VGLL4: variants seen among roughly 807,000 people sequenced by gnomAD.
The protein encoded by VGLL4 is vestigial like family member 4.
In VGLL4, 7 loss-of-function variants were observed where a neutral mutation model predicts 21.0. The observed-to-expected ratio is 0.33, with a 90% CI of 0.19 to 0.63. VGLL4 has a LOEUF of 0.63. Among genes scored for constraint, VGLL4 ranks in the 20% least tolerant of loss-of-function variants. VGLL4 has a pLI of 0.78. For missense variants in VGLL4, 394 were observed against 425.7 expected (o/e 0.93, Z 0.66); for synonymous variants, 222 against 173.2 (o/e 1.28, Z -2.21).
At chr3:11,597,077 A>G (rs2074663545) in intron 2 of VGLL4, among the ~76,000 whole-genome samples, 1 of 152,172 alleles carries the variant, frequency 6.6e-6, no homozygotes, top group East Asian at 1.9e-4. Flanking sequence ...AGGACATAGG[A>G]CCAGTGGACA....
At chr3:11,695,185 G>A (rs1290524288) in intron 2 of VGLL4, among the ~76,000 whole-genome samples, 1 of 151,890 alleles carries the variant, frequency 6.6e-6, no homozygotes, top group African/African-American at 2.4e-5. Context: ...GAGTAGCTGG[G>A]ATTACAGGCG....
At chr3:11,606,543 A>G (rs2074945044) in intron 1 of VGLL4, among the ~76,000 whole-genome samples, 1 of 152,190 alleles carries the variant, frequency 6.6e-6, no homozygotes. Flanking sequence ...GACTTAGAGA[A>G]CTTTTCTGTC....
intron 2 of VGLL4, among the ~76,000 whole-genome samples, chr3:11,590,475 T>A (rs1040933467): frequency 6.6e-6 from 1 of 152,174 alleles, no homozygotes; most frequent in African/African-American, 2.4e-5. Context: ...GAGAGGGCAG[T>A]AGCAACAGTT....
At chr3:11,668,928 G>A (rs566921111) in intron 2 of VGLL4, among the ~76,000 whole-genome samples, 2 of 152,034 alleles carry the variant, frequency 1.3e-5, no homozygotes, top group Admixed American at 1.3e-4. Context: ...TTTCATGCCA[G>A]GGTTCGTGCT....
rs925526719 is a variant in VGLL4 at position 11,643,757 on chromosome 3, C to T, written c.-239G>A. On this transcript the variant is annotated 5_prime_UTR_variant, in exon 1 of 5. Coordinates refer to ENST00000430365, the MANE Select transcript of VGLL4 (RefSeq NM_001128219.3). ...GTAGACGGTGTATGTACTGTATCCC[C>T]GATCGAGTATGAAAACAGCGTTTCA... 6.5e-6 allele frequency: 8 copies of T among 1,239,960 alleles called. No homozygotes were observed. In the African/African-American group the frequency reaches 1.2e-4, roughly 19 times the overall value. The allele number at this position is 1,239,960 out of a possible 1,614,324, so 76.8% of individuals were successfully genotyped here.
rs1163592868 is a variant in VGLL4, at chr3:11,604,921, A to G, written c.83-2899T>C. ...AACAAGGGTGACCCTGGGGTCAAATAAATTTGGAAACCGTGAGATTGAACA... is the reference window on the plus strand; with the variant it reads ...AACAAGGGTGACCCTGGGGTCAAATGAATTTGGAAACCGTGAGATTGAACA... On this transcript the variant is annotated intron_variant, in intron 1 of 4. Transcript: ENST00000430365. Among the ~76,000 whole-genome samples, 4 of 144,162 alleles carry G rather than the reference A, an allele frequency of 2.8e-5. 1 individual carries two copies. The highest frequency in any genetic ancestry group is 1.0e-4 in the African/African-American group (4 of 39,624). The allele number at this position is 144,162 out of a possible 152,430, so 94.6% of individuals were successfully genotyped here.
intron 2 of VGLL4, among the ~76,000 whole-genome samples, chr3:11,677,061 T>C (rs2076301544): frequency 6.6e-6 from 1 of 152,378 alleles, no homozygotes; most frequent in South Asian, 2.1e-4. Flanking sequence ...ACTATCATCC[T>C]ATATATGTAG....
chr3:11,685,881 C>T (rs1331586339), intron 2 of VGLL4, among the ~76,000 whole-genome samples: 3 of 152,082 alleles, frequency 2.0e-5, no homozygotes, highest in African/African-American at 7.2e-5. Context: ...ATGGGCAAAG[C>T]ACTTAAACAG....
intron 1 of VGLL4, among the ~76,000 whole-genome samples, chr3:11,716,829 A>T (rs1392558977): frequency 1.3e-5 from 2 of 151,950 alleles, no homozygotes. Context: ...ATGTGGACAG[A>T]TCCTAAATGC....
At chr3:11,659,320 C>CTTTTTTTTTTTTTTTTTTTTT (rs2076001420) in intron 2 of VGLL4, among the ~76,000 whole-genome samples, 1 of 113,754 alleles carries the variant, frequency 8.8e-6, no homozygotes. Context: ...TTTTCTTTTT[C>CTTTTTTTTTTTTTTTTTTTTT]TTTTTCTTTT....
intron 2 of VGLL4, among the ~76,000 whole-genome samples, chr3:11,583,305 A>G (rs1187223376): frequency 6.6e-6 from 1 of 152,242 alleles, no homozygotes; most frequent in African/African-American, 2.4e-5. Flanking sequence ...GATTATGAAA[A>G]TAGCATTTCT....
At chr3:11,702,321 T>A (rs903408477) in intron 2 of VGLL4, among the ~76,000 whole-genome samples, 2 of 151,986 alleles carry the variant, frequency 1.3e-5, no homozygotes, top group African/African-American at 4.8e-5. Flanking sequence ...GTTAAAATAC[T>A]GATTAAGGCC....
chr3:11,688,044 T>C (rs1284913815), intron 2 of VGLL4, among the ~76,000 whole-genome samples: 1 of 152,178 alleles, frequency 6.6e-6, no homozygotes, highest in Non-Finnish European at 1.5e-5. Context: ...CTGTCATAAA[T>C]ATATTAATTT....
chr3:11,615,897 G>C (rs2125292571), intron 1 of VGLL4, among the ~76,000 whole-genome samples: 1 of 152,266 alleles, frequency 6.6e-6, no homozygotes, highest in Admixed American at 6.5e-5. Flanking sequence ...TGTTGAATAA[G>C]GGACCTGTAT....
At chr3:11,672,647 C>G (rs1575517675) in intron 2 of VGLL4, among the ~76,000 whole-genome samples, 1 of 152,226 alleles carries the variant, frequency 6.6e-6, no homozygotes, top group East Asian at 1.9e-4. Flanking sequence ...CAAGGACTTT[C>G]AAACAGCTTT....
At chr3:11,718,352 G>A (rs2076946223) in intron 1 of VGLL4, among the ~76,000 whole-genome samples, 1 of 152,178 alleles carries the variant, frequency 6.6e-6, no homozygotes, top group Non-Finnish European at 1.5e-5. Context: ...TAAATTGAGA[G>A]CATTGGGACT....
intron 3 of VGLL4, among the ~76,000 whole-genome samples, chr3:11,561,628 C>T (rs774999578): frequency 6.6e-6 from 1 of 152,310 alleles, no homozygotes; most frequent in South Asian, 2.1e-4. Context: ...GGCCCCAGGC[C>T]TCCAGATGGT....
Position 11,719,467 on chromosome 3 carries a change from G to A in VGLL4, c.-14+927C>T, listed in dbSNP as rs1045624988. 1 of 151,386 alleles carries A rather than the reference G, an allele frequency of 6.6e-6. No homozygotes were observed. Among genetic ancestry groups the A allele is most frequent in the East Asian group, 1.9e-4 (1 of 5,158 alleles). 9.4% of individuals were successfully genotyped at this position (151,386 alleles called of 1,614,324 possible). A position where few individuals can be genotyped will look rare whatever the true frequency, so the allele number is the denominator to read the frequency against. ...CCTGGGGCCGGCCTGGCCCTGCGGG[G>A]GACCCAGGGGCGGGGACGGGACCTG... On this transcript the variant is annotated intron_variant, in intron 1 of 5. Transcript: ENST00000273038. The surrounding 1 kb of genome is among the most constrained non-coding windows in gnomAD (Gnocchi z 4.0).
rs539658181 is a variant in VGLL4 at position 11,643,360 on chromosome 3, G to A, written c.82+77C>T. The A allele has an allele frequency of 5.1e-3, 8,252 of 1,609,254 alleles. 38 individuals carry two copies. The highest frequency in any genetic ancestry group is 5.6e-3 in the Non-Finnish European group (6,647 of 1,176,484). On this transcript the variant is annotated intron_variant, in intron 1 of 4. Transcript: ENST00000430365. ...CCCGGAGGAGGACAGCGGGCGCTTA[G>A]AAGGCAGGCACCCAGCACACTGAGG... is the stretch of plus-strand genomic sequence containing the variant.
Sources: allele counts gnomAD v4.1 joint callset (sites outside exome capture counted in the v4.1 genomes callset), GRCh38; gene constraint gnomAD v4.1.1; non-coding constraint Gnocchi (gnomAD v3.1); transcripts MANE v1.5; gene names NCBI Gene and HGNC (gene_info 2026-07-23, HGNC 2026-07-21).